Variants in PRRC2B observed in about 807,000 individuals in gnomAD.
PRRC2B encodes proline rich coiled-coil 2B, also known as protein PRRC2B.
In PRRC2B, 68 loss-of-function variants were observed where a neutral mutation model predicts 242.3. The ratio of observed to expected loss-of-function variants is 0.28; its 90% confidence interval spans 0.23 to 0.34. The LOEUF (loss-of-function observed/expected upper bound fraction) is 0.34, where lower values mean the gene tolerates loss of function less well. PRRC2B is among the 10% of genes least tolerant of loss of function. The probability of loss-of-function intolerance (pLI) is 1.00; values close to 1 mark genes in which losing one functional copy is unlikely to be tolerated. For missense variants in PRRC2B, 2,835 were observed against 2,954.8 expected, an observed-to-expected ratio of 0.96 and a Z score of 0.94; for synonymous variants, 1,228 against 1,173.6, an observed-to-expected ratio of 1.05 and a Z score of -0.95.
intron 3 of PRRC2B, among the ~76,000 whole-genome samples, chr9:131,433,238 C>T (rs1381354124): frequency 1.3e-5 from 2 of 152,188 alleles, no homozygotes; most frequent in Non-Finnish European, 1.5e-5. Flanking sequence ...CTTCCCTAAC[C>T]ATCGGCCCAG....
In PRRC2B at chr9:131,476,191, G is replaced by A. The variant is rs1391193311; in HGVS notation, c.4062G>A (p.Val1354=). The A allele has an allele frequency of 1.9e-6, 3 of 1,613,430 alleles. No homozygotes were observed. Among genetic ancestry groups the A allele is most frequent in the African/African-American group, 2.7e-5 (2 of 74,942 alleles). ...GTTCTGGGGACAAGAGTGGCACTGT[G>A]GGCCGCAGGTCCCCTGAGCTCTCCT... is the stretch of plus-strand genomic sequence containing the variant. The part of the protein sequence containing the change: ...KLCSGDKSGT[V]GRRSPELSYQ... The change falls in exon 16 of 32, where the codon GTG becomes GTA. Residue 1354 remains valine, a synonymous_variant. Coordinates refer to ENST00000683519, the MANE Select transcript of PRRC2B (RefSeq NM_013318.4).
chr9:131,409,873 A>C (rs1328528692), intron 1 of PRRC2B, among the ~76,000 whole-genome samples: 2 of 152,228 alleles, frequency 1.3e-5, no homozygotes, highest in Admixed American at 6.5e-5. Context: ...TCTCTTCTCT[A>C]CTAAATCAGA....
chr9:131,489,407 G>C (rs1944120973), intron 28 of PRRC2B, among the ~76,000 whole-genome samples: 1 of 151,906 alleles, frequency 6.6e-6, no homozygotes, highest in Non-Finnish European at 1.5e-5. Flanking sequence ...ATCTCGAACT[G>C]CTGACCTCAG....
At chr9:131,444,816 A>G (rs1247955920) in intron 6 of PRRC2B, among the ~76,000 whole-genome samples, 1 of 151,926 alleles carries the variant, frequency 6.6e-6, no homozygotes, top group East Asian at 1.9e-4. Context: ...ACTGGTCTCT[A>G]CTGGCCCCTC....
chr9:131,467,415 C>T (rs1039371363), intron 12 of PRRC2B, 148 bp from the exon 13 acceptor site: 29 of 662,810 alleles, frequency 4.4e-5, no homozygotes, highest in African/African-American at 1.1e-4. Context: ...GTACGTGATG[C>T]GTTTGGCACA....
chr9:131,428,122 A>G (rs545685620), intron 1 of PRRC2B, among the ~76,000 whole-genome samples: 10 of 151,332 alleles, frequency 6.6e-5, no homozygotes, highest in Non-Finnish European at 1.5e-4. Context: ...GGGTTTCACC[A>G]TGTTGGTCAG....
Position 131,482,358 on chromosome 9 carries a change from G to T in PRRC2B, c.4984-13G>T, listed in dbSNP as rs898603701. ...GGAGTTTGAGGCTATAACCCATTTTGTGCTCTGCACAGCAGGGTTTTAAGA... is the reference window on the plus strand; with the variant it reads ...GGAGTTTGAGGCTATAACCCATTTTTTGCTCTGCACAGCAGGGTTTTAAGA... On this transcript the variant is annotated splice_polypyrimidine_tract_variant and intron_variant, in intron 20 of 31. Coordinates refer to ENST00000683519, the MANE Select transcript of PRRC2B (RefSeq NM_013318.4). This position sits in a 1 kb window ranked among gnomAD's most constrained non-coding sequence, Gnocchi z 5.2. 2 of 1,549,992 alleles carry T rather than the reference G, an allele frequency of 1.3e-6. No homozygotes were observed. The highest frequency in any genetic ancestry group is 1.7e-6 in the Non-Finnish European group (2 of 1,143,360).
intron 1 of PRRC2B, among the ~76,000 whole-genome samples, chr9:131,420,493 C>CTTTCTTTCTTTCTTTCTTTCTTTCTTTT: frequency 3.3e-5 from 1 of 30,178 alleles, no homozygotes; most frequent in South Asian, 2.3e-3. Context: ...TTCTTTCTTT[C>CTTTCTTTCTTTCTTTCTTTCTTTCTTTT]TTTTTTTTTT....
chr9:131,447,386 G>A (rs1329715806), intron 8 of PRRC2B, among the ~76,000 whole-genome samples, 180 bp downstream of exon 8: 1 of 152,064 alleles, frequency 6.6e-6, no homozygotes, highest in Non-Finnish European at 1.5e-5. Flanking sequence ...GACAGATTGA[G>A]TCATGATTTC....
chr9:131,382,202 A>T (rs1836770620), intron 1 of PRRC2B, among the ~76,000 whole-genome samples: 2 of 152,084 alleles, frequency 1.3e-5, no homozygotes, highest in African/African-American at 4.8e-5. Context: ...TTTTCAGTAG[A>T]GACGGGGTTT....
intron 1 of PRRC2B, among the ~76,000 whole-genome samples, chr9:131,404,658 G>A (rs896351704): frequency 2.0e-5 from 3 of 152,082 alleles, no homozygotes; most frequent in African/African-American, 7.2e-5. Context: ...TTATCCACAT[G>A]CACGTTTGTA....
At chr9:131,436,752 T>C (rs1321154414) in intron 4 of PRRC2B, 30 bp downstream of exon 4, 2 of 1,561,084 alleles carry the variant, frequency 1.3e-6, no homozygotes, top group Non-Finnish European at 1.8e-6. Context: ...CCCAACTGTT[T>C]CCTGGGCATG....
chr9:131,487,128 C>T lies in PRRC2B; in HGVS notation c.5857-39C>T. 6.2e-7 allele frequency: 1 copy of T among 1,607,298 alleles called. No individual in the cohort carries two copies. The highest frequency in any genetic ancestry group is 1.1e-5 in the South Asian group (1 of 90,556). ...GAGGGGAAGAACCACCTGGATGGGC[C>T]TTGCGGTTACCTCCCCGACCCCGTT... On this transcript the variant is annotated intron_variant, in intron 26 of 31. Coordinates refer to ENST00000683519, the MANE Select transcript of PRRC2B (RefSeq NM_013318.4). The surrounding 1 kb of genome is among the most constrained non-coding windows in gnomAD (Gnocchi z 5.3).
chr9:131,406,581 T>C (rs1489842044), intron 1 of PRRC2B, among the ~76,000 whole-genome samples: 1 of 152,176 alleles, frequency 6.6e-6, no homozygotes, highest in African/African-American at 2.4e-5. Context: ...GAACAAATCA[T>C]GTCTTTTGCT....
At chr9:131,476,642 T>A in intron 16 of PRRC2B, 107 bp downstream of exon 16, 1 of 990,802 alleles carries the variant, frequency 1.0e-6, no homozygotes, top group African/African-American at 1.6e-5. Flanking sequence ...GCTGGGGGCC[T>A]GCCCCCAGGC....
chr9:131,389,147 C>G (rs1319823311), upstream of PRRC2B, among the ~76,000 whole-genome samples: 1 of 125,680 alleles, frequency 8.0e-6, no homozygotes, highest in Non-Finnish European at 1.7e-5. Context: ...TGGCTCCTTT[C>G]AATTTTTTTT....
chr9:131,491,151 A>T, intron 28 of PRRC2B: 1 of 413,584 alleles, frequency 2.4e-6, no homozygotes, highest in Non-Finnish European at 4.3e-6. Context: ...TAACGCTGTT[A>T]GTTCCCATGC....
rs552941328 is a variant in PRRC2B at position 131,423,519 on chromosome 9, C to T, written c.-51-6575C>T. On this transcript the variant is annotated intron_variant, in intron 1 of 31. Transcript: ENST00000683519. ...AGATGCTTGTGGGCGGGGCCAGCCT[C>T]GCACTCAGCCGGTCAGTGGAGATCC... Among the ~76,000 whole-genome samples, 13 of 152,290 alleles carry T rather than the reference C, an allele frequency of 8.5e-5. 1 individual carries two copies. The highest frequency in any genetic ancestry group is 4.6e-4 in the Admixed American group (7 of 15,308).
At chr9:131,444,091 T>TC (rs1838704237) in intron 5 of PRRC2B, 94 bp from the exon 6 acceptor site, 1 of 1,452,484 alleles carries the variant, frequency 6.9e-7, no homozygotes, top group Non-Finnish European at 9.5e-7. Flanking sequence ...AAAGCCCACT[T>TC]CCAGGCAACA....
Sources: allele counts gnomAD v4.1 joint callset (sites outside exome capture counted in the v4.1 genomes callset), GRCh38; gene constraint gnomAD v4.1.1; non-coding constraint Gnocchi (gnomAD v3.1); transcripts MANE v1.5; gene names NCBI Gene and HGNC (gene_info 2026-07-23, HGNC 2026-07-21).